Variants in CANX observed in about 807,000 individuals in gnomAD.
CANX encodes the protein calnexin.
Under a neutral mutation model 75.7 loss-of-function variants are expected in CANX, and 14 were observed. The observed-to-expected ratio is 0.19, with a 90% CI of 0.12 to 0.29. The LOEUF (loss-of-function observed/expected upper bound fraction) is 0.29, where lower values mean the gene tolerates loss of function less well. CANX is among the 10% of genes least tolerant of loss of function. The probability of loss-of-function intolerance (pLI) is 1.00; values close to 1 mark genes in which losing one functional copy is unlikely to be tolerated. For missense variants in CANX, 567 were observed against 713.2 expected (o/e 0.79, Z 2.34); for synonymous variants, 227 against 236.9 (o/e 0.96, Z 0.38).
At chr5:179,696,803 T>C (rs899664003), upstream of CANX, among the ~76,000 whole-genome samples, 1 of 152,206 alleles carries the variant, frequency 6.6e-6, no homozygotes, top group Non-Finnish European at 1.5e-5. Context: ...TGTAAACCTC[T>C]TGTTACTGCA....
At position 179,709,956 on chromosome 5, in the gene CANX, C is replaced by T. The variant is rs767177938; in HGVS notation, c.612C>T (p.Phe204=). 1.2e-5 allele frequency: 20 copies of T among 1,612,950 alleles called. No homozygotes were observed. In the African/African-American group the frequency reaches 1.9e-4, roughly 15 times the overall value. The change falls in exon 7 of 15, where the codon TTC becomes TTT. Residue 204 remains phenylalanine (F), a synonymous_variant. Coordinates refer to ENST00000247461, the MANE Select transcript of CANX (RefSeq NM_001746.4). ...CGEDYKLHFI[F]RHKNPKTGIY... ...AGGACTATAAACTGCACTTCATCTTCCGACACAAAAACCCCAAAACGGGTA... is the reference window on the plus strand; with the variant it reads ...AGGACTATAAACTGCACTTCATCTTTCGACACAAAAACCCCAAAACGGGTA...
chr5:179,725,439 TG>T (rs1214491142), intron 13 of CANX, among the ~76,000 whole-genome samples: 2 of 151,652 alleles, frequency 1.3e-5, no homozygotes, highest in Admixed American at 6.6e-5. Context: ...TCCAGCACTT[TG>T]GGGGGCCGAA....
chr5:179,721,874 T>C (rs1778331685), intron 10 of CANX, among the ~76,000 whole-genome samples: 1 of 152,120 alleles, frequency 6.6e-6, no homozygotes, highest in African/African-American at 2.4e-5. Context: ...TGTGAAAACA[T>C]TTCAGCAGGA....
chr5:179,700,080 T>TA (rs1776631809), intron 1 of CANX: 1 of 152,204 alleles, frequency 6.6e-6, no homozygotes, highest in African/African-American at 2.4e-5. Context: ...CTGAATGCCT[T>TA]TGGACCAATA....
chr5:179,694,144 CAAAAAAAAAAAA>C (rs55708497), upstream of CANX: 7 of 104,034 alleles, frequency 6.7e-5, no homozygotes, highest in South Asian at 2.1e-4. Flanking sequence ...AACTCCGTCT[CAAAAAAAAAAAA>C]AAAAAAAAAA....
chr5:179,682,304 C>T (rs1452845771), intron 1 of CANX, among the ~76,000 whole-genome samples: 1 of 151,270 alleles, frequency 6.6e-6, no homozygotes, highest in Non-Finnish European at 1.5e-5. Flanking sequence ...AGGCCGGGCA[C>T]GGTGGCTCAC....
intron 4 of CANX, 110 bp from the exon 5 acceptor site, chr5:179,708,129 C>T (rs973753818): frequency 1.6e-5 from 14 of 853,958 alleles, no homozygotes; most frequent in Middle Eastern, 3.2e-4. Flanking sequence ...TGAGCGACCA[C>T]GGCTGCCCCA....
intron 2 of CANX, 56 bp from the exon 3 acceptor site, chr5:179,706,201 TA>T (rs1777128932): frequency 1.0e-6 from 1 of 973,940 alleles, no homozygotes. Context: ...AGATTCTAGA[TA>T]AAAAGGCATG....
intron 1 of CANX, chr5:179,700,543 T>C (rs980426531): frequency 6.6e-6 from 1 of 152,520 alleles, no homozygotes; most frequent in African/African-American, 2.4e-5. Flanking sequence ...GGTAACTGGA[T>C]CATGAGAATG....
At chr5:179,694,489 T>C (rs1776355458), upstream of CANX, 1 of 747,370 alleles carries the variant, frequency 1.3e-6, no homozygotes, top group African/African-American at 1.7e-5. Flanking sequence ...TTCTTCCTGT[T>C]CTCTTCGGAA....
At chr5:179,713,538 G>C (rs1467375636) in intron 7 of CANX, among the ~76,000 whole-genome samples, 2 of 152,208 alleles carry the variant, frequency 1.3e-5, no homozygotes, top group Admixed American at 6.6e-5. Flanking sequence ...ATATTTGATA[G>C]TACAGTAGGG....
intron 7 of CANX, among the ~76,000 whole-genome samples, chr5:179,714,477 C>A (rs1453845497): frequency 2.6e-5 from 4 of 151,996 alleles, no homozygotes; most frequent in African/African-American, 9.7e-5. Flanking sequence ...TACACATATA[C>A]AACTTTACAT....
intron 5 of CANX, 55 bp from the exon 6 acceptor site, chr5:179,708,923 G>T (rs898407639): frequency 1.9e-5 from 17 of 887,420 alleles, no homozygotes; most frequent in Non-Finnish European, 3.1e-5. Flanking sequence ...TACATTAAGA[G>T]AGTTTCGATC....
intron 1 of CANX, among the ~76,000 whole-genome samples, chr5:179,682,452 T>A (rs1209396520): frequency 6.6e-6 from 1 of 151,980 alleles, no homozygotes; most frequent in Non-Finnish European, 1.5e-5. Context: ...GGCTCACGCC[T>A]GTAATCCCAG....
intron 10 of CANX, among the ~76,000 whole-genome samples, chr5:179,720,811 T>C (rs1581890704): frequency 6.6e-6 from 1 of 152,026 alleles, no homozygotes; most frequent in African/African-American, 2.4e-5. Flanking sequence ...TGAGATGGAG[T>C]TTCGCTCTTC....
intron 1 of CANX, among the ~76,000 whole-genome samples, chr5:179,701,280 C>T (rs1776737322): frequency 6.6e-6 from 1 of 151,974 alleles, no homozygotes; most frequent in East Asian, 1.9e-4. Flanking sequence ...AAATGGTGAA[C>T]ATGAAACTAC....
intron 6 of CANX, 196 bp from the exon 7 acceptor site, chr5:179,709,677 C>T (rs1777392967): frequency 2.2e-6 from 1 of 446,418 alleles, no homozygotes; most frequent in African/African-American, 2.0e-5. Context: ...TTTTTTTAGA[C>T]ACTTAAACGT....
At position 179,706,197 on chromosome 5, in the gene CANX, T is replaced by C; in HGVS notation, c.172-61T>C. 3.2e-6 allele frequency: 3 copies of C among 942,714 alleles called. No individual in the cohort carries two copies. The East Asian group carries it at 7.3e-5, about 23-fold the overall frequency. The allele number at this position is 942,714 out of a possible 1,614,324, so 58.4% of individuals were successfully genotyped here. On this transcript the variant is annotated intron_variant, in intron 2 of 14. Transcript: ENST00000247461. ...GAAAGCAAACCAGGAGAATAGATTCTAGATAAAAAGGCATGTTGCTGAAAA... is the reference window on the plus strand; with the variant it reads ...GAAAGCAAACCAGGAGAATAGATTCCAGATAAAAAGGCATGTTGCTGAAAA...
chr5:179,703,286 C>T (rs569440073), intron 1 of CANX, among the ~76,000 whole-genome samples: 113 of 150,616 alleles, frequency 7.5e-4, no homozygotes, highest in Middle Eastern at 7.1e-3. Context: ...GGCGCCATCT[C>T]GGGTCACTGC....
Sources: gnomAD v4.1 joint callset for allele counts (sites outside exome capture counted in the v4.1 genomes callset) on GRCh38, gnomAD v4.1.1 for gene constraint, MANE v1.5 for transcripts, NCBI Gene and HGNC (gene_info 2026-07-23, HGNC 2026-07-21) for gene names.